KMT2C: variants seen among roughly 807,000 people sequenced by gnomAD.
The protein encoded by KMT2C is histone-lysine N-methyltransferase 2C.
Under a neutral mutation model 507.9 loss-of-function variants are expected in KMT2C, and 88 were observed. That is an observed-to-expected ratio of 0.17 (90% CI 0.15 to 0.21). The LOEUF is 0.21. Among genes scored for constraint, KMT2C ranks in the 10% least tolerant of loss-of-function variants. KMT2C has a pLI of 1.00. For synonymous variants in KMT2C, 2,049 were observed against 2,080.8 expected (o/e 0.98, Z 0.42); for missense variants, 4,954 against 5,957.8 (o/e 0.83, Z 5.55).
intron 1 of KMT2C, among the ~76,000 whole-genome samples, chr7:152,369,899 A>G (rs1371514455): frequency 2.0e-5 from 3 of 152,172 alleles, no homozygotes; most frequent in African/African-American, 7.2e-5. Context: ...GGATTTCACT[A>G]TAGACTCCAC....
chr7:152,255,138 T>TATAC (rs1554583911), intron 9 of KMT2C, among the ~76,000 whole-genome samples: 1 of 124,804 alleles, frequency 8.0e-6, no homozygotes, highest in Admixed American at 7.9e-5. Flanking sequence ...TATATATATA[T>TATAC]ATATATACAT....
intron 55 of KMT2C, among the ~76,000 whole-genome samples, chr7:152,140,576 A>C (rs549046796): frequency 1.9e-4 from 29 of 152,308 alleles, no homozygotes; most frequent in Admixed American, 2.0e-4. Context: ...CTTAATTCTG[A>C]CTAGAAGGCA....
At chr7:152,416,723 C>CAA (rs35079842) in intron 1 of KMT2C, among the ~76,000 whole-genome samples, 5 of 119,804 alleles carry the variant, frequency 4.2e-5, no homozygotes, top group Admixed American at 1.7e-4. Flanking sequence ...GACTCTGTAT[C>CAA]AAAAAAAAAA....
chr7:152,207,172 T>C (rs998474726), intron 24 of KMT2C, 128 bp downstream of exon 24: 1 of 905,702 alleles, frequency 1.1e-6, no homozygotes, highest in South Asian at 2.4e-5. Context: ...TTAATTTATG[T>C]GCACATATTT....
intron 4 of KMT2C, among the ~76,000 whole-genome samples, chr7:152,312,548 C>G (rs2096681921): frequency 6.6e-6 from 1 of 152,114 alleles, no homozygotes; most frequent in South Asian, 2.1e-4. Context: ...CAAGTACTCT[C>G]AATCAAGACT....
At position 152,148,223 on chromosome 7, in the gene KMT2C, T is replaced by G. The variant is rs529429661; in HGVS notation, c.13704A>C (p.Ala4568=). ...GGAAGAGTGCTTTAGGAGAATGGAA[T>G]GCTTGCATCTGCTGTGGAAGCAGCT... The part of the protein sequence containing the change: ...IGQLLPQQMQ[A]FHSPKALFPV... The change falls in exon 52 of 59, where the codon GCA becomes GCC. Residue 4568 remains alanine, a synonymous_variant. Coordinates refer to ENST00000262189, the MANE Select transcript of KMT2C (RefSeq NM_170606.3). This position sits in a 1 kb window ranked among gnomAD's most constrained non-coding sequence, Gnocchi z 7.1. 3 of 1,614,242 alleles carry G rather than the reference T, an allele frequency of 1.9e-6. No individual in the cohort carries two copies. The highest frequency in any genetic ancestry group is 2.5e-6 in the Non-Finnish European group (3 of 1,180,034).
rs1563199332 is a variant in KMT2C, at chr7:152,162,573, A to G, written c.11004T>C (p.Thr3668=). 1.2e-6 allele frequency: 2 copies of G among 1,614,122 alleles called. No individual in the cohort carries two copies. Among genetic ancestry groups the G allele is most frequent in the East Asian group, 4.5e-5 (2 of 44,880 alleles). ...ATAGCTGGCCTGCTGCCATATTGGG[A>G]GTGGATGGGCCGACTGGTTCCACCG... The part of the protein sequence containing the change: ...QESVEPVGPS[T]PNMAAGQLCT... Residue 3668 remains threonine (T), a synonymous_variant, in exon 43 of 59, where the codon ACT becomes ACC. Transcript: ENST00000262189.
chr7:152,154,632 A>C (rs1273534154), intron 46 of KMT2C, among the ~76,000 whole-genome samples, 187 bp from the exon 47 acceptor site: 1 of 152,212 alleles, frequency 6.6e-6, no homozygotes, highest in Admixed American at 6.5e-5. Context: ...TTTAGTTACA[A>C]AATAATTTAA....
chr7:152,352,890 G>C (rs534069102), intron 2 of KMT2C, among the ~76,000 whole-genome samples: 1 of 152,086 alleles, frequency 6.6e-6, no homozygotes, highest in Non-Finnish European at 1.5e-5. Context: ...GCTGACAAGG[G>C]GCTCCCATGA....
In KMT2C at chr7:152,220,621, T is replaced by A; in HGVS notation, c.3614A>T (p.Lys1205Ile). 1 of 1,611,928 alleles carries A rather than the reference T, an allele frequency of 6.2e-7. No individual in the cohort carries two copies. Among genetic ancestry groups the A allele is most frequent in the Non-Finnish European group, 8.5e-7 (1 of 1,179,792 alleles). The change falls in exon 23 of 59, where the codon AAA becomes ATA. Residue 1205 changes from lysine (K) to isoleucine (I), a missense_variant. Physicochemically the swap from Lys to Ile is moderately radical, Grantham distance 102. Coordinates refer to ENST00000262189, the MANE Select transcript of KMT2C (RefSeq NM_170606.3). ...GCTATTCTGATTTATAATCTTCAAT[T>A]TCAATTTTGGTTTTGACCGTTTTCT... is the stretch of plus-strand genomic sequence containing the variant. ...PRRKRSKPKL[K>I]LKIINQNSVA... is the part of the protein sequence containing the mutation.
intron 7 of KMT2C, among the ~76,000 whole-genome samples, chr7:152,272,543 C>T (rs1184718432): frequency 6.6e-6 from 1 of 152,154 alleles, no homozygotes; most frequent in Non-Finnish European, 1.5e-5. Context: ...TAACTCAGTA[C>T]ATAAATAGTA....
At chr7:152,300,927 A>T (rs965569741) in intron 6 of KMT2C, among the ~76,000 whole-genome samples, 7 of 152,206 alleles carry the variant, frequency 4.6e-5, no homozygotes, top group African/African-American at 1.7e-4. Context: ...GCATGCTGGC[A>T]CACATCTGTA....
intron 1 of KMT2C, among the ~76,000 whole-genome samples, chr7:152,384,063 T>C (rs868395980): frequency 2.0e-5 from 3 of 151,810 alleles, no homozygotes; most frequent in Non-Finnish European, 4.4e-5. Flanking sequence ...TGTGCGTGTG[T>C]GTAGGCGCGT....
chr7:152,262,936 T>G (rs1355409272), intron 9 of KMT2C, 80 bp downstream of exon 9: 1 of 1,000,404 alleles, frequency 1.0e-6, no homozygotes, highest in Non-Finnish European at 1.5e-6. Context: ...GATGTACAGA[T>G]TTGAATAGGT....
intron 9 of KMT2C, among the ~76,000 whole-genome samples, chr7:152,260,232 C>A (rs1480096859): frequency 1.3e-5 from 2 of 152,110 alleles, no homozygotes; most frequent in Non-Finnish European, 2.9e-5. Context: ...GATTAAGTAT[C>A]CAATAGTATT....
At chr7:152,424,272 C>A (rs2097796724) in intron 1 of KMT2C, among the ~76,000 whole-genome samples, 1 of 152,158 alleles carries the variant, frequency 6.6e-6, no homozygotes, top group African/African-American at 2.4e-5. Context: ...TACTACCACA[C>A]CCAGCTCCAA....
chr7:152,168,249 G>A (rs1235754005), intron 41 of KMT2C, among the ~76,000 whole-genome samples: 1 of 151,996 alleles, frequency 6.6e-6, no homozygotes, highest in African/African-American at 2.4e-5. Flanking sequence ...AAGGACATTC[G>A]CTGAAAATAA....
intron 6 of KMT2C, among the ~76,000 whole-genome samples, chr7:152,286,874 A>T (rs1210995947): frequency 2.6e-5 from 4 of 152,224 alleles, no homozygotes; most frequent in Non-Finnish European, 5.9e-5. Context: ...CTCCAAGAAA[A>T]TTCTGCTGTC....
chr7:152,334,607 T>C (rs2096916852), intron 2 of KMT2C, among the ~76,000 whole-genome samples: 1 of 152,046 alleles, frequency 6.6e-6, no homozygotes, highest in Non-Finnish European at 1.5e-5. Flanking sequence ...ACCGAGAGAA[T>C]ATGACCAGAA....
Sources: gnomAD v4.1 joint callset for allele counts (sites outside exome capture counted in the v4.1 genomes callset) on GRCh38, gnomAD v4.1.1 for gene constraint, Gnocchi (gnomAD v3.1) non-coding constraint, MANE v1.5 for transcripts, NCBI Gene and HGNC (gene_info 2026-07-23, HGNC 2026-07-21) for gene names.